The following MCM10 variants were observed in gnomAD, a reference collection of about 807,000 sequenced individuals.
MCM10 encodes the protein minichromosome maintenance 10 replication initiation factor.
Under a neutral mutation model 109.9 loss-of-function variants are expected in MCM10, and 91 were observed. The ratio of observed to expected loss-of-function variants is 0.83; its 90% CI spans 0.70 to 0.99. MCM10 has a LOEUF of 0.99. Among genes scored for constraint, MCM10 ranks in the 50% least tolerant of loss-of-function variants. The pLI is 0.00. For synonymous variants in MCM10, 380 were observed against 387.2 expected (o/e 0.98, Z 0.22); for missense variants, 1,077 against 1,061.2 (o/e 1.01, Z -0.21).
chr10:13,194,242 G>A (rs958202215), intron 13 of MCM10, among the ~76,000 whole-genome samples: 3 of 152,098 alleles, frequency 2.0e-5, no homozygotes, highest in Admixed American at 6.5e-5. Flanking sequence ...TGCACACTGT[G>A]GACCCAGCTA....
chr10:13,189,693 ACACC>A (rs1257410478), intron 10 of MCM10, among the ~76,000 whole-genome samples: 1 of 152,078 alleles, frequency 6.6e-6, no homozygotes. Context: ...TACAGTGTTA[ACACC>A]CTTTTAATTA....
Position 13,172,353 on chromosome 10 carries a change from A to G in MCM10, c.350-23A>G. 1 of 1,577,912 alleles carries G rather than the reference A, an allele frequency of 6.3e-7. No individual in the cohort carries two copies. Among genetic ancestry groups the G allele is most frequent in the Non-Finnish European group, 8.7e-7 (1 of 1,152,186 alleles). On this transcript the variant is annotated intron_variant, in intron 3 of 19. Coordinates refer to ENST00000378714, the MANE Select transcript of MCM10 (RefSeq NM_018518.5). The surrounding 1 kb of genome is among the most constrained non-coding windows in gnomAD (Gnocchi z 5.2). ...ACGTTTTCTCCTGCCTGGTTCTTAA[A>G]TTAACATATTTTCATTTCCTAGAGG...
intron 18 of MCM10, among the ~76,000 whole-genome samples, chr10:13,205,592 A>G (rs1834569602): frequency 1.3e-5 from 2 of 152,128 alleles, no homozygotes; most frequent in South Asian, 2.1e-4. Flanking sequence ...GTTCTTTGAG[A>G]AATCTTCATA....
intron 8 of MCM10, among the ~76,000 whole-genome samples, chr10:13,183,504 T>G (rs1242301021): frequency 6.6e-6 from 1 of 152,216 alleles, no homozygotes. Context: ...GTCATGCTTT[T>G]ATGTGATTGT....
intron 16 of MCM10, among the ~76,000 whole-genome samples, chr10:13,200,382 AG>A (rs1465516468): frequency 6.6e-6 from 1 of 152,200 alleles, no homozygotes; most frequent in African/African-American, 2.4e-5. Flanking sequence ...CCAGCCACAG[AG>A]GTAGCAATCA....
At chr10:13,197,943 T>C (rs1428211624) in intron 15 of MCM10, among the ~76,000 whole-genome samples, 176 bp downstream of exon 15, 1 of 151,556 alleles carries the variant, frequency 6.6e-6, no homozygotes, top group Non-Finnish European at 1.5e-5. Flanking sequence ...TCATGGAGTC[T>C]TGCTCTGTTG....
Position 13,195,155 on chromosome 10 carries a change from G to A in MCM10, c.1860G>A (p.Pro620=), listed in dbSNP as rs138790069. 1.8e-5 allele frequency: 29 copies of A among 1,613,948 alleles called. No homozygotes were observed. Among genetic ancestry groups the A allele is most frequent in the African/African-American group, 1.5e-4 (11 of 74,898 alleles). Residue 620 remains proline (P), a synonymous_variant, in exon 14 of 20, where the codon CCG becomes CCA. Coordinates refer to ENST00000378714, the MANE Select transcript of MCM10 (RefSeq NM_018518.5). ...GSEFPRLEGA[P]ATMTPKLGRG... The stretch of plus-strand genomic sequence containing the variant: ...AGTTCCCCAGGCTGGAGGGAGCCCC[G>A]GCCACAATGACGCCCAAGCTGGGGC...
intron 16 of MCM10, among the ~76,000 whole-genome samples, chr10:13,200,978 C>T (rs1159352909): frequency 6.6e-6 from 1 of 152,146 alleles, no homozygotes; most frequent in Non-Finnish European, 1.5e-5. Flanking sequence ...AACCCCATCT[C>T]TACTGAAAAT....
rs886202416 is a variant in MCM10 at position 13,209,381 on chromosome 10, G to C, written c.*71G>C. The C allele has an allele frequency of 3.3e-6, 4 of 1,203,976 alleles. No individual in the cohort carries two copies. The African/African-American group carries it at 6.1e-5, about 18-fold the overall frequency. The allele number at this position is 1,203,976 out of a possible 1,614,324, so 74.6% of individuals were successfully genotyped here. On this transcript the variant is annotated 3_prime_UTR_variant, in exon 20 of 20. Coordinates refer to ENST00000378714, the MANE Select transcript of MCM10 (RefSeq NM_018518.5). Reference sequence around the variant, plus strand: ...CTCTGGAAAGCAAAGGATTGGCTGTGTATTGTCCATTGATTCCTGATTGAC... The same window carrying C: ...CTCTGGAAAGCAAAGGATTGGCTGTCTATTGTCCATTGATTCCTGATTGAC...
At chr10:13,178,221 GA>G (rs1317693850) in intron 6 of MCM10, among the ~76,000 whole-genome samples, 1 of 151,948 alleles carries the variant, frequency 6.6e-6, no homozygotes, top group Admixed American at 6.6e-5. Flanking sequence ...TCAGCCTCCC[GA>G]GTAGCTCAGA....
At chr10:13,208,065 G>A (rs190080863) in intron 18 of MCM10, among the ~76,000 whole-genome samples, 8 of 152,304 alleles carry the variant, frequency 5.3e-5, no homozygotes, top group Admixed American at 1.3e-4. Context: ...TTCTCAGGGT[G>A]GAAGTCACCC....
intron 2 of MCM10, among the ~76,000 whole-genome samples, chr10:13,166,733 G>A (rs1588464305): frequency 6.7e-6 from 1 of 150,104 alleles, no homozygotes; most frequent in South Asian, 2.1e-4. Context: ...TAGGAGGTTT[G>A]AGGAGAGACA....
chr10:13,201,679 C>A, intron 17 of MCM10, 145 bp downstream of exon 17: 1 of 632,974 alleles, frequency 1.6e-6, no homozygotes, highest in Non-Finnish European at 2.8e-6. Flanking sequence ...GCGCAGGTGG[C>A]CCAGGACCCG....
In MCM10 at chr10:13,164,371, A is replaced by G. The variant is rs757839007; in HGVS notation, c.7+162A>G. On this transcript the variant is annotated intron_variant, in intron 2 of 19. Transcript: ENST00000378714. ...ATCTCACATCTCACAGAGGTCACTGAATGTTACTTGCTTTTATCAGGGGAG... is the reference window on the plus strand; with the variant it reads ...ATCTCACATCTCACAGAGGTCACTGGATGTTACTTGCTTTTATCAGGGGAG... Among the ~76,000 whole-genome samples the G allele has an allele frequency of 5.9e-5, 9 of 152,204 alleles. No individual in the cohort carries two copies. In the South Asian group the frequency reaches 6.2e-4, roughly 10 times the overall value.
Position 13,191,507 on chromosome 10 carries a change from C to T in MCM10, c.1516+108C>T, listed in dbSNP as rs1834347123. ...GGGTACACTGCTCCGGTGATGGGTA[C>T]ACCAAAATCTCAGAAATCACCACTA... On this transcript the variant is annotated intron_variant, in intron 11 of 19. Coordinates refer to ENST00000378714, the MANE Select transcript of MCM10 (RefSeq NM_018518.5). The T allele has an allele frequency of 7.7e-6, 6 of 775,554 alleles. No individual in the cohort carries two copies. In the South Asian group the frequency reaches 9.9e-5, roughly 13 times the overall value. The allele number at this position is 775,554 out of a possible 1,614,324, so 48.0% of individuals were successfully genotyped here. A position where few individuals can be genotyped will look rare whatever the true frequency, so the allele number is the denominator to read the frequency against.
Position 13,172,866 on chromosome 10 carries a change from T to G in MCM10, c.592+101T>G. On this transcript the variant is annotated intron_variant, in intron 5 of 19. Transcript: ENST00000378714. This position sits in a 1 kb window ranked among gnomAD's most constrained non-coding sequence, Gnocchi z 5.2. ...GGTGTCTGTGTCTTTTGGTCTGTCT[T>G]ATGTCCCCATTGAGAAAGAAAGTTT... 1 of 1,112,282 alleles carries G rather than the reference T, an allele frequency of 9.0e-7. No homozygotes were observed. Among genetic ancestry groups the G allele is most frequent in the Non-Finnish European group, 1.3e-6 (1 of 787,992 alleles). The allele number at this position is 1,112,282 out of a possible 1,614,324, so 68.9% of individuals were successfully genotyped here. A position where few individuals can be genotyped will look rare whatever the true frequency, so the allele number is the denominator to read the frequency against.
In MCM10 at chr10:13,180,599, G is replaced by A. The variant is rs375295359; in HGVS notation, c.922G>A (p.Val308Met). 3 of 1,614,136 alleles carry A rather than the reference G, an allele frequency of 1.9e-6. No homozygotes were observed. The highest frequency in any genetic ancestry group is 2.7e-5 in the African/African-American group (2 of 75,048). The change falls in exon 7 of 20, where the codon GTG (valine) becomes ATG (methionine). Residue 308 changes from valine (V) to methionine (M), a missense_variant. Val to Met is a conservative substitution (Grantham distance 21, BLOSUM62 1). Transcript: ENST00000378714. The stretch of plus-strand genomic sequence containing the variant: ...ATTGAAGAAGGTTACGCCACAGAGT[G>A]TGAATAGTGTAAGCCATTGTATTGG... ...VILKKVTPQSVNSGKTFSIWK... is the reference protein window; with the variant it reads ...VILKKVTPQSMNSGKTFSIWK...
At chr10:13,188,150 A>G (rs920226157) in intron 9 of MCM10, among the ~76,000 whole-genome samples, 5 of 152,066 alleles carry the variant, frequency 3.3e-5, no homozygotes, top group Admixed American at 3.3e-4. Context: ...GTCTCCAAAA[A>G]AAAATCCATT....
At chr10:13,202,423 C>A (rs1834512440) in intron 17 of MCM10, among the ~76,000 whole-genome samples, 1 of 152,174 alleles carries the variant, frequency 6.6e-6, no homozygotes, top group South Asian at 2.1e-4. Flanking sequence ...ACCATTTGTT[C>A]CCACTATCCC....
Sources: gnomAD v4.1 joint callset for allele counts (sites outside exome capture counted in the v4.1 genomes callset) on GRCh38, gnomAD v4.1.1 for gene constraint, Gnocchi (gnomAD v3.1) non-coding constraint, MANE v1.5 for transcripts, NCBI Gene and HGNC (gene_info 2026-07-23, HGNC 2026-07-21) for gene names.